ACACA: variants seen among roughly 807,000 people sequenced by gnomAD.
ACACA encodes acetyl-CoA carboxylase 1.
Under a neutral mutation model 296.1 loss-of-function variants are expected in ACACA, and 103 were observed. The ratio of observed to expected loss-of-function variants is 0.35; its 90% CI spans 0.30 to 0.41. ACACA has a LOEUF of 0.41. ACACA is among the 10% of genes least tolerant of loss of function. The pLI is 1.00. For missense variants in ACACA, 1,554 were observed against 2,989.7 expected (o/e 0.52, Z 11.20); for synonymous variants, 953 against 1,038.6 (o/e 0.92, Z 1.58).
chr17:37,199,030 A>C (rs1464444647), intron 35 of ACACA, among the ~76,000 whole-genome samples: 1 of 152,182 alleles, frequency 6.6e-6, no homozygotes, highest in Non-Finnish European at 1.5e-5. Flanking sequence ...ACCTGAGGTC[A>C]GGAGTTCGAG....
At chr17:37,162,700 G>T (rs1003935171) in intron 41 of ACACA, 6 of 257,616 alleles carry the variant, frequency 2.3e-5, no homozygotes, top group African/African-American at 1.2e-4. Context: ...GCCCTTCTAT[G>T]GTATGCGAAT....
chr17:37,356,195 G>A (rs1020783319), intron 1 of ACACA, among the ~76,000 whole-genome samples: 11 of 151,880 alleles, frequency 7.2e-5, no homozygotes, highest in African/African-American at 2.7e-4. Context: ...AAATTAAATT[G>A]AAACAAGCAA....
intron 47 of ACACA, among the ~76,000 whole-genome samples, chr17:37,126,892 A>G (rs2074815086): frequency 6.6e-6 from 1 of 152,222 alleles, no homozygotes; most frequent in African/African-American, 2.4e-5. Context: ...ATATCACAGC[A>G]CTATCTCCTC....
rs2077312544 is a variant in ACACA, at chr17:37,181,423, G to C, written c.4777-67C>G. On this transcript the variant is annotated intron_variant, in intron 39 of 55. Transcript: ENST00000616317. ...AAAAATCAGAGAGCTGCCTAGAGGGGCTTTTTTTGCACAAATATTATCTCT... is the reference window on the plus strand; with the variant it reads ...AAAAATCAGAGAGCTGCCTAGAGGGCCTTTTTTTGCACAAATATTATCTCT... The C allele has an allele frequency of 5.8e-6, 9 of 1,554,834 alleles. No homozygotes were observed. The East Asian group carries it at 6.7e-5, about 12-fold the overall frequency.
intron 3 of ACACA, among the ~76,000 whole-genome samples, chr17:37,302,366 T>C (rs1253122094): frequency 6.6e-6 from 1 of 151,970 alleles, no homozygotes; most frequent in Non-Finnish European, 1.5e-5. Flanking sequence ...ACTGCCACCA[T>C]GCCAGGCTAA....
chr17:37,402,662 G>A (rs771285090), intron 1 of ACACA, among the ~76,000 whole-genome samples: 7 of 151,932 alleles, frequency 4.6e-5, no homozygotes, highest in Non-Finnish European at 8.8e-5. Context: ...TCTACATTTT[G>A]CCTAAGTGAC....
intron 39 of ACACA, among the ~76,000 whole-genome samples, chr17:37,184,493 AC>A (rs2077450741): frequency 6.6e-6 from 1 of 152,322 alleles, no homozygotes; most frequent in Admixed American, 6.5e-5. Context: ...TAGTCACCTT[AC>A]CTGCCAAAAC....
intron 3 of ACACA, chr17:37,289,318 C>T (rs1023244110): frequency 2.9e-5 from 15 of 523,902 alleles, no homozygotes; most frequent in Middle Eastern, 6.7e-4. Context: ...ACAGGTATAT[C>T]TGGCTGTAAA....
intron 2 of ACACA, among the ~76,000 whole-genome samples, chr17:37,331,094 C>T (rs898554404): frequency 1.0e-4 from 15 of 146,186 alleles, no homozygotes; most frequent in Non-Finnish European, 1.8e-4. Flanking sequence ...TTTTATTTTT[C>T]ATTTATTTAT....
At chr17:37,402,714 C>T (rs2090603) in intron 1 of ACACA, among the ~76,000 whole-genome samples, 34,562 of 151,726 alleles carry the variant, frequency 0.23, 4,133 homozygotes, top group Middle Eastern at 0.36. Flanking sequence ...GCTCTGTTGC[C>T]CAGGCTGGAG....
intron 3 of ACACA, among the ~76,000 whole-genome samples, chr17:37,324,366 CA>C (rs1306307313): frequency 1.3e-5 from 2 of 149,964 alleles, no homozygotes; most frequent in Non-Finnish European, 3.0e-5. Context: ...AACTCTGTCT[CA>C]AAAAAATTAA....
At chr17:37,395,626 C>T (rs888310808) in intron 1 of ACACA, among the ~76,000 whole-genome samples, 4 of 152,016 alleles carry the variant, frequency 2.6e-5, no homozygotes, top group African/African-American at 9.7e-5. Flanking sequence ...CTCACCGCAA[C>T]CTCCGCCCGG....
chr17:37,339,714 C>A, intron 2 of ACACA, 90 bp downstream of exon 2: 1 of 861,186 alleles, frequency 1.2e-6, no homozygotes. Flanking sequence ...TGGAAGTCAA[C>A]TTTTAACACA....
At chr17:37,291,289 C>A (rs1399377560) in intron 3 of ACACA, among the ~76,000 whole-genome samples, 2 of 151,880 alleles carry the variant, frequency 1.3e-5, no homozygotes, top group Admixed American at 6.6e-5. Context: ...GATTCTCCTG[C>A]CTCAGCCTTC....
Position 37,113,331 on chromosome 17 carries a change from C to T in ACACA, c.6275-66G>A, listed in dbSNP as rs951310045. The T allele has an allele frequency of 1.9e-6, 3 of 1,543,638 alleles. No individual in the cohort carries two copies. The highest frequency in any genetic ancestry group is 2.7e-6 in the Non-Finnish European group (3 of 1,126,458). ...TTCCTCAAAGCAGTACTTTTAAACA[C>T]TGTTCAGGACCTCTGGCCACGAAGA... On this transcript the variant is annotated intron_variant, in intron 50 of 55. Transcript: ENST00000616317. This position sits in a 1 kb window ranked among gnomAD's most constrained non-coding sequence, Gnocchi z 4.0.
chr17:37,252,484 C>T (rs757172326), intron 15 of ACACA, among the ~76,000 whole-genome samples: 2 of 152,050 alleles, frequency 1.3e-5, no homozygotes, highest in African/African-American at 2.4e-5. Flanking sequence ...ATGAATCTAA[C>T]GATTTTATAC....
In ACACA at chr17:37,251,967, T is replaced by C. The variant is rs1042795803; in HGVS notation, c.2081+38A>G. The C allele has an allele frequency of 1.9e-6, 3 of 1,565,134 alleles. No individual in the cohort carries two copies. The South Asian group carries it at 3.3e-5, about 17-fold the overall frequency. Reference sequence around the variant, plus strand: ...GCTTCAGTCCCTGTACTCAGGACCATTGATTAGTTTGTGTAGCCTACAAGA... The same window carrying C: ...GCTTCAGTCCCTGTACTCAGGACCACTGATTAGTTTGTGTAGCCTACAAGA... On this transcript the variant is annotated intron_variant, in intron 16 of 55. Coordinates refer to ENST00000616317, the MANE Select transcript of ACACA (RefSeq NM_198834.3).
chr17:37,348,948 C>T (rs902589898), intron 1 of ACACA, among the ~76,000 whole-genome samples: 1 of 56,946 alleles, frequency 1.8e-5, no homozygotes, highest in African/African-American at 6.6e-5. Context: ...GACTCCGTCT[C>T]AAAAAAAAAA....
At chr17:37,265,017 C>T (rs1027557529) in intron 10 of ACACA, among the ~76,000 whole-genome samples, 7 of 152,174 alleles carry the variant, frequency 4.6e-5, no homozygotes, top group African/African-American at 1.7e-4. Flanking sequence ...CAGCTGGAAT[C>T]GTTCATCTCC....
Sources: gnomAD v4.1 joint callset for allele counts (sites outside exome capture counted in the v4.1 genomes callset) on GRCh38, gnomAD v4.1.1 for gene constraint, Gnocchi (gnomAD v3.1) non-coding constraint, MANE v1.5 for transcripts, NCBI Gene and HGNC (gene_info 2026-07-23, HGNC 2026-07-21) for gene names.